ZNF879: variants seen among roughly 807,000 people sequenced by gnomAD.
ZNF879 encodes zinc finger protein 879.
A neutral mutation model predicts 44.3 loss-of-function variants in ZNF879; 32 were observed. That is an observed-to-expected ratio of 0.72 (90% confidence interval 0.54 to 0.97). The LOEUF is 0.97. Ranked by LOEUF, ZNF879 falls within the 50% of genes least tolerant of loss-of-function variation. ZNF879 has a pLI of 0.00. For missense variants in ZNF879, 621 were observed against 669.7 expected, an observed-to-expected ratio of 0.93 and a Z score of 0.80; for synonymous variants, 234 against 233.2, an observed-to-expected ratio of 1.00 and a Z score of -0.03.
In ZNF879 at chr5:179,027,531, T is replaced by C. The variant is rs750527261; in HGVS notation, c.92T>C (p.Leu31Pro). The change falls in exon 3 of 5, where the codon CTG (leucine) becomes CCG (proline). Residue 31 changes from leucine to proline, a missense_variant. Leu to Pro is a moderately conservative substitution (Grantham distance 98). Coordinates refer to ENST00000444149, the MANE Select transcript of ZNF879 (RefSeq NM_001136116.3). ...VFFSQDEWLH[L>P]DSAQRALYRE... Reference sequence around the variant, plus strand: ...TTCAGCCAGGACGAGTGGTTGCACCTGGACTCTGCCCAGAGAGCCTTGTAC... The same window carrying C: ...TTCAGCCAGGACGAGTGGTTGCACCCGGACTCTGCCCAGAGAGCCTTGTAC... 2.6e-5 allele frequency: 42 copies of C among 1,614,062 alleles called. No individual in the cohort carries two copies. Among genetic ancestry groups the C allele is most frequent in the Non-Finnish European group, 3.4e-5 (40 of 1,180,044 alleles).
At chr5:179,025,642 T>A (rs79550228) in intron 2 of ZNF879, among the ~76,000 whole-genome samples, 36,507 of 151,824 alleles carry the variant, frequency 0.24, 5,571 homozygotes, top group South Asian at 0.41. Context: ...ACGGGGAATT[T>A]GAAAAAGAGA....
chr5:179,029,433 A>C (rs114911876), intron 4 of ZNF879, among the ~76,000 whole-genome samples: 133 of 152,300 alleles, frequency 8.7e-4, no homozygotes, highest in African/African-American at 3.1e-3. Context: ...AATTGACTGC[A>C]AGAGTAGTGA....
At position 179,033,424 on chromosome 5, in the gene ZNF879, C is replaced by G. The variant is rs547476175; in HGVS notation, c.1476C>G (p.Ala492=). The G allele has an allele frequency of 9.0e-6, 14 of 1,561,538 alleles. No individual in the cohort carries two copies. The highest frequency in any genetic ancestry group is 1.4e-5 in the African/African-American group (1 of 73,126). Residue 492 remains alanine, a synonymous_variant, in exon 5 of 5, where the codon GCC becomes GCG. Coordinates refer to ENST00000444149, the MANE Select transcript of ZNF879 (RefSeq NM_001136116.3). ...KPYKCNDCEK[A]FNQSSALIQH... is the part of the protein sequence containing the mutation. ...ATAAATGTAATGACTGTGAGAAAGC[C>G]TTCAACCAAAGCTCAGCTCTAATTC...
chr5:179,023,853 C>T lies in ZNF879; in HGVS notation c.-87C>T, dbSNP rs889168705. ...AAACGTCTCTGAATTAGGTGTTCCG[C>T]TCGCCTCTTGTGCGGTGTGGAGCTG... On this transcript the variant is annotated 5_prime_UTR_variant, in exon 1 of 5. Transcript: ENST00000444149. 1.3e-4 allele frequency: 20 copies of T among 152,280 alleles called. No homozygotes were observed. Among genetic ancestry groups the T allele is most frequent in the African/African-American group, 4.8e-4 (20 of 41,476 alleles). 9.4% of individuals were successfully genotyped at this position (152,280 alleles called of 1,614,324 possible).
chr5:179,032,207 T>A lies in ZNF879; in HGVS notation c.259T>A (p.Trp87Arg). The change falls in exon 5 of 5, where the codon TGG (tryptophan) becomes AGG (arginine). Residue 87 changes from tryptophan to arginine, a missense_variant and splice_region_variant. Coordinates refer to ENST00000444149, the MANE Select transcript of ZNF879 (RefSeq NM_001136116.3). Reference protein sequence around the residue: ...SGVPQGAHLGWESLFGTIVSK... With the variant: ...SGVPQGAHLGRESLFGTIVSK... ...CTTATATGTTTTGTCTACTTTAGGA[T>A]GGGAAAGCTTGTTTGGAACCATAGT... The A allele has an allele frequency of 6.6e-7, 1 of 1,504,322 alleles. No homozygotes were observed. The highest frequency in any genetic ancestry group is 8.8e-7 in the Non-Finnish European group (1 of 1,130,774). 93.2% of individuals were successfully genotyped at this position (1,504,322 alleles called of 1,614,324 possible). A position where few individuals can be genotyped will look rare whatever the true frequency, so the allele number is the denominator to read the frequency against.
intron 1 of ZNF879, 148 bp downstream of exon 1, chr5:179,024,052 G>C (rs1453717411): frequency 6.6e-6 from 1 of 152,236 alleles, no homozygotes; most frequent in Non-Finnish European, 1.5e-5. Context: ...GGCCCCGGAG[G>C]GGGCGTGGCC....
At position 179,033,486 on chromosome 5, in the gene ZNF879, A is replaced by G. The variant is rs1234466672; in HGVS notation, c.1538A>G (p.Asn513Ser). The G allele has an allele frequency of 6.4e-7, 1 of 1,563,386 alleles. No homozygotes were observed. Among genetic ancestry groups the G allele is most frequent in the East Asian group, 2.4e-5 (1 of 41,648 alleles). Residue 513 changes from asparagine (N) to serine (S), a missense_variant, in exon 5 of 5, where the codon AAT becomes AGT. Coordinates refer to ENST00000444149, the MANE Select transcript of ZNF879 (RefSeq NM_001136116.3). Reference protein sequence around the residue: ...QRIHTGEKPYNCKVCGKAFRQ... With the variant: ...QRIHTGEKPYSCKVCGKAFRQ... ...ATTCATACTGGAGAGAAACCATATAATTGTAAAGTGTGTGGGAAAGCCTTC... is the reference window on the plus strand; with the variant it reads ...ATTCATACTGGAGAGAAACCATATAGTTGTAAAGTGTGTGGGAAAGCCTTC...
At chr5:179,029,381 G>T (rs921252949) in intron 4 of ZNF879, among the ~76,000 whole-genome samples, 2 of 151,868 alleles carry the variant, frequency 1.3e-5, no homozygotes, top group African/African-American at 4.8e-5. Context: ...TTTCATTTCA[G>T]GGATCTTTTG....
intron 4 of ZNF879, 31 bp from the exon 5 acceptor site, chr5:179,032,174 A>C (rs1761433286): frequency 1.4e-6 from 2 of 1,437,970 alleles, no homozygotes. Flanking sequence ...TTCTGAGTTC[A>C]AGAGAGACTT....
chr5:179,033,259 C>G lies in ZNF879; in HGVS notation c.1311C>G (p.Phe437Leu), dbSNP rs1761487738. The change falls in exon 5 of 5, where the codon TTC (phenylalanine) becomes TTG (leucine). Residue 437 changes from phenylalanine to leucine, a missense_variant. Phe to Leu is a conservative substitution (Grantham distance 22). Transcript: ENST00000444149. ...PYKCNECGKA[F>L]SWISRLNIHH... The stretch of plus-strand genomic sequence containing the variant: ...AATGTAATGAATGTGGGAAAGCCTT[C>G]TCTTGGATTTCACGGCTTAATATAC... 6.3e-7 allele frequency: 1 copy of G among 1,587,208 alleles called. No homozygotes were observed. The highest frequency in any genetic ancestry group is 8.6e-7 in the Non-Finnish European group (1 of 1,166,524).
At position 179,032,701 on chromosome 5, in the gene ZNF879, G is replaced by C; in HGVS notation, c.753G>C (p.Leu251Phe). The C allele has an allele frequency of 1.3e-6, 2 of 1,559,540 alleles. No homozygotes were observed. The highest frequency in any genetic ancestry group is 1.7e-6 in the Non-Finnish European group (2 of 1,151,986). ...FSQSSSLTQH[L>F]RVHTGEKPYI... ...AAAGCTCATCCCTAACTCAGCACTT[G>C]AGGGTTCATACAGGAGAGAAACCTT... is the stretch of plus-strand genomic sequence containing the variant. The change falls in exon 5 of 5, where the codon TTG becomes TTC. Residue 251 changes from leucine to phenylalanine, a missense_variant. Transcript: ENST00000444149.
intron 2 of ZNF879, among the ~76,000 whole-genome samples, chr5:179,026,343 C>A (rs1391365187): frequency 6.6e-6 from 1 of 152,102 alleles, no homozygotes; most frequent in African/African-American, 2.4e-5. Flanking sequence ...AAATATAGAA[C>A]CATATTTGCA....
chr5:179,024,240 C>T (rs1304707233), intron 1 of ZNF879, among the ~76,000 whole-genome samples: 2 of 152,240 alleles, frequency 1.3e-5, no homozygotes, highest in Non-Finnish European at 1.5e-5. Flanking sequence ...GGGTTTAAGC[C>T]TCCCCCTACT....
At chr5:179,026,193 A>T (rs1343455684) in intron 2 of ZNF879, among the ~76,000 whole-genome samples, 2 of 152,198 alleles carry the variant, frequency 1.3e-5, no homozygotes, top group African/African-American at 2.4e-5. Flanking sequence ...CTAGAGTATG[A>T]ACAAAGTGCA....
intron 4 of ZNF879, among the ~76,000 whole-genome samples, chr5:179,029,138 T>C (rs1761358085): frequency 2.7e-5 from 4 of 150,026 alleles, no homozygotes; most frequent in Admixed American, 2.7e-4. Flanking sequence ...TTGTCCAAAC[T>C]GCTCCACTGT....
In ZNF879 at chr5:179,029,816, T is replaced by G. The variant is rs180944681; in HGVS notation, c.256+1689T>G. ...GATTGATTATACAGTTTGTTCTTGA[T>G]CCTGTTTTAATTGTGAATGTCATTC... On this transcript the variant is annotated intron_variant, in intron 4 of 4. Transcript: ENST00000444149. 1.8e-3 allele frequency among the ~76,000 whole-genome samples: 273 copies of G among 152,342 alleles called. 1 individual carries two copies. The highest frequency in any genetic ancestry group is 6.2e-3 in the African/African-American group (257 of 41,572).
Position 179,025,019 on chromosome 5 carries a change from G to A in ZNF879, c.15G>A (p.Leu5=). 1 of 1,551,604 alleles carries A rather than the reference G, an allele frequency of 6.4e-7. No homozygotes were observed. Among genetic ancestry groups the A allele is most frequent in the Non-Finnish European group, 8.7e-7 (1 of 1,146,942 alleles). The part of the protein sequence containing the change: MARR[L]LPAHVQESVT... ...GGGAGGGAGAAATGGCAAGGAGGTT[G>A]CTGCCAGCCCATGTACAGGTGAGTG... The change falls in exon 2 of 5, where the codon TTG becomes TTA. Residue 5 remains leucine, a synonymous_variant. Coordinates refer to ENST00000444149, the MANE Select transcript of ZNF879 (RefSeq NM_001136116.3).
Position 179,033,899 on chromosome 5 carries a change from A to T in ZNF879, c.*259A>T, listed in dbSNP as rs751309550. The T allele has an allele frequency of 3.1e-6, 1 of 324,680 alleles. No homozygotes were observed. Among genetic ancestry groups the T allele is most frequent in the Non-Finnish European group, 5.6e-6 (1 of 178,676 alleles). 20.1% of individuals were successfully genotyped at this position (324,680 alleles called of 1,614,324 possible). ...TTTAAGATTGCAGGGTTAGTATTTG[A>T]TTGTCTAGTGATGTACGATAACAGC... On this transcript the variant is annotated 3_prime_UTR_variant, in exon 5 of 5. Transcript: ENST00000444149.
chr5:179,023,825 G>T lies in ZNF879; in HGVS notation c.-115G>T, dbSNP rs552030919. 1.3e-5 allele frequency: 2 copies of T among 152,398 alleles called. No individual in the cohort carries two copies. The highest frequency in any genetic ancestry group is 3.9e-4 in the East Asian group (2 of 5,174). 9.4% of individuals were successfully genotyped at this position (152,398 alleles called of 1,614,324 possible). On this transcript the variant is annotated 5_prime_UTR_variant, in exon 1 of 5. Coordinates refer to ENST00000444149, the MANE Select transcript of ZNF879 (RefSeq NM_001136116.3). ...AGGCGCAGTTGCGCCCGGCAGCGACGGGAAACGTCTCTGAATTAGGTGTTC... is the reference window on the plus strand; with the variant it reads ...AGGCGCAGTTGCGCCCGGCAGCGACTGGAAACGTCTCTGAATTAGGTGTTC...
Sources: gnomAD v4.1 joint callset for allele counts (sites outside exome capture counted in the v4.1 genomes callset) on GRCh38, gnomAD v4.1.1 for gene constraint, MANE v1.5 for transcripts, NCBI Gene and HGNC (gene_info 2026-07-23, HGNC 2026-07-21) for gene names.